The following ATP13A2 variants were observed in gnomAD, a reference collection of about 807,000 sequenced individuals.
ATP13A2 encodes polyamine-transporting ATPase 13A2.
In ATP13A2, 83 loss-of-function variants were observed where a neutral mutation model predicts 138.3. The observed-to-expected ratio is 0.60, with a 90% CI of 0.50 to 0.72. The LOEUF (loss-of-function observed/expected upper bound fraction) is 0.72. Among genes scored for constraint, ATP13A2 ranks in the 30% least tolerant of loss-of-function variants. The probability of loss-of-function intolerance (pLI) is 0.00; values close to 1 mark genes in which losing one functional copy is unlikely to be tolerated. For synonymous variants in ATP13A2, 663 were observed against 699.0 expected, an observed-to-expected ratio of 0.95 and a Z score of 0.81; for missense variants, 1,402 against 1,606.4, an observed-to-expected ratio of 0.87 and a Z score of 2.17.
At chr1:16,993,159 T>G (rs1029006330) in intron 16 of ATP13A2, among the ~76,000 whole-genome samples, 8 of 152,188 alleles carry the variant, frequency 5.3e-5, no homozygotes, top group Non-Finnish European at 1.0e-4. Flanking sequence ...TCAGGTGATC[T>G]GCCCACCTCA....
Position 16,997,026 on chromosome 1 carries a change from G to T in ATP13A2, c.1189C>A (p.Arg397Ser). ...CCAGCCTCCCGGCTCATACCTGTGC[G>T]GGTCACCACTGCCAGGACGTGCGGT... ...VGPHVLAVVT[R>S]TGFCTAKGGL... The change falls in exon 12 of 29, where the codon CGC becomes AGC. Residue 397 changes from arginine (R) to serine (S), a missense_variant. By Grantham distance (110) the Arg-to-Ser change is moderately radical. Transcript: ENST00000326735. The T allele has an allele frequency of 6.2e-7, 1 of 1,612,000 alleles. No homozygotes were observed. Among genetic ancestry groups the T allele is most frequent in the Non-Finnish European group, 8.5e-7 (1 of 1,179,914 alleles).
intron 20 of ATP13A2, among the ~76,000 whole-genome samples, chr1:16,991,344 C>A (rs898344570): frequency 2.6e-5 from 4 of 152,298 alleles, no homozygotes; most frequent in Admixed American, 2.6e-4. Context: ...TTTGGCCTCC[C>A]AAAGTGCTGG....
chr1:16,993,198 T>A (rs1156627217), intron 16 of ATP13A2, among the ~76,000 whole-genome samples: 1 of 152,058 alleles, frequency 6.6e-6, no homozygotes, highest in Non-Finnish European at 1.5e-5. Flanking sequence ...ATTACAGGCA[T>A]GAGTCACTGC....
intron 16 of ATP13A2, 130 bp downstream of exon 16, chr1:16,993,499 C>T (rs536456866): frequency 2.6e-4 from 246 of 960,318 alleles, no homozygotes; most frequent in Non-Finnish European, 3.2e-4. Flanking sequence ...TGAGCCACTG[C>T]GCCTGGCCTA....
chr1:16,999,376 A>G, intron 11 of ATP13A2, among the ~76,000 whole-genome samples: 1 of 95,474 alleles, frequency 1.0e-5, no homozygotes, highest in African/African-American at 4.1e-5. Flanking sequence ...GTGAAACTCC[A>G]TCTCAAAAAA....
chr1:17,001,752 G>C (rs2077365896), intron 8 of ATP13A2, among the ~76,000 whole-genome samples: 1 of 152,178 alleles, frequency 6.6e-6, no homozygotes, highest in Non-Finnish European at 1.5e-5. Context: ...GTGTCTCTGG[G>C]GACCCCATAG....
rs1231659616 is a variant in ATP13A2, at chr1:16,990,203, G to A, written c.2336C>T (p.Thr779Ile). The A allele has an allele frequency of 6.2e-7, 1 of 1,614,014 alleles. No individual in the cohort carries two copies. The highest frequency in any genetic ancestry group is 8.5e-7 in the Non-Finnish European group (1 of 1,180,040). Residue 779 changes from threonine (T) to isoleucine (I), a missense_variant, in exon 21 of 29, where the codon ACC becomes ATC. Physicochemically the swap from Thr to Ile is moderately conservative, Grantham distance 89. Transcript: ENST00000326735. Reference protein sequence around the residue: ...PQEHLIIVHATHPERGQPASL... With the variant: ...PQEHLIIVHAIHPERGQPASL... ...GGCAGGCTGACCCCGCTCAGGGTGG[G>A]TGGCGTGGACGATGATCAGATGCTC...
Position 16,996,476 on chromosome 1 carries a change from C to A in ATP13A2, c.1216G>T (p.Gly406Cys). 1 of 1,613,980 alleles carries A rather than the reference C, an allele frequency of 6.2e-7. No homozygotes were observed. Among genetic ancestry groups the A allele is most frequent in the Middle Eastern group, 1.7e-4 (1 of 6,060 alleles). The change falls in exon 13 of 29, where the codon GGC (glycine) becomes TGC (cysteine). Residue 406 changes from glycine to cysteine, a missense_variant. Gly to Cys is a radical substitution (Grantham distance 159, BLOSUM62 -3). Coordinates refer to ENST00000326735, the MANE Select transcript of ATP13A2 (RefSeq NM_022089.4). ...GGGTGCAAGATGGAGCTCACCAGGC[C>A]CCCTTTTGCCGTGCAGAACCCTGGG... ...TRTGFCTAKG[G>C]LVSSILHPRP... is the part of the protein sequence containing the mutation.
intron 20 of ATP13A2, among the ~76,000 whole-genome samples, chr1:16,991,324 A>G (rs542591892): frequency 6.6e-6 from 1 of 152,278 alleles, no homozygotes; most frequent in South Asian, 2.1e-4. Flanking sequence ...GGTTCAAGAC[A>G]TCCTTCTCCT....
intron 1 of ATP13A2, among the ~76,000 whole-genome samples, chr1:17,007,550 C>CTTTTT (rs67484789): frequency 1.2e-5 from 1 of 80,790 alleles, no homozygotes; most frequent in Non-Finnish European, 2.5e-5. Flanking sequence ...AAAATTTTTC[C>CTTTTT]TTTTTTTTTT....
Position 17,002,472 on chromosome 1 carries a change from TC to T in ATP13A2, c.558-100del. 8 of 1,391,208 alleles carry T rather than the reference TC, an allele frequency of 5.8e-6. No homozygotes were observed. The South Asian group carries it at 1.0e-4, about 17-fold the overall frequency. 86.2% of individuals were successfully genotyped at this position (1,391,208 alleles called of 1,614,324 possible). On this transcript the variant is annotated intron_variant, in intron 6 of 28. Transcript: ENST00000326735. The stretch of plus-strand genomic sequence containing the variant: ...GAGACTATGGGCTCTAGGCCCCCCA[TC>T]CCCGTTCTGCCACACTGAGCTCCTG...
chr1:17,004,520 C>A lies in ATP13A2; in HGVS notation c.478-109G>T. On this transcript the variant is annotated intron_variant, in intron 5 of 28. Transcript: ENST00000326735. The surrounding 1 kb of genome is among the most constrained non-coding windows in gnomAD (Gnocchi z 4.1). The stretch of plus-strand genomic sequence containing the variant: ...GGGTAGGGGGCAGGGACTGGTGTCA[C>A]CAGACAGAGAGGTGGGGAGAGGCCT... 1 of 1,533,274 alleles carries A rather than the reference C, an allele frequency of 6.5e-7. No individual in the cohort carries two copies. Among genetic ancestry groups the A allele is most frequent in the Non-Finnish European group, 8.9e-7 (1 of 1,119,008 alleles). 95.0% of individuals were successfully genotyped at this position (1,533,274 alleles called of 1,614,324 possible).
intron 1 of ATP13A2, among the ~76,000 whole-genome samples, chr1:17,010,321 G>A (rs536207720): frequency 1.3e-5 from 2 of 152,068 alleles, no homozygotes; most frequent in South Asian, 2.1e-4. Context: ...CAAGTAATCC[G>A]CCTGCCTCAG....
Position 17,002,064 on chromosome 1 carries a change from G to T in ATP13A2, c.675C>A (p.Val225=). Residue 225 remains valine, a synonymous_variant, in exon 8 of 29, where the codon GTC becomes GTA. Coordinates refer to ENST00000326735, the MANE Select transcript of ATP13A2 (RefSeq NM_022089.4). ...IYGPNVISIP[V]KSYPQLLVDE... ...CCACCAGCAGCTGGGGGTAGGACTT[G>T]ACCGGTATGCTGATCACGTTGGGGC... 6.2e-7 allele frequency: 1 copy of T among 1,613,572 alleles called. No individual in the cohort carries two copies. Among genetic ancestry groups the T allele is most frequent in the South Asian group, 1.1e-5 (1 of 90,924 alleles).
At chr1:16,998,808 G>C (rs1198237888) in intron 11 of ATP13A2, among the ~76,000 whole-genome samples, 1 of 152,122 alleles carries the variant, frequency 6.6e-6, no homozygotes, top group East Asian at 1.9e-4. Flanking sequence ...CTTGTGGAAG[G>C]ATGCCAGGAG....
At position 17,011,618 on chromosome 1, in the gene ATP13A2, T is replaced by A; in HGVS notation, c.10+111A>T. ...CCCAACCAGGTCCCGCTTCCTGGGC[T>A]CGCGACCCCGCGGTGGGGGGCGTCG... On this transcript the variant is annotated intron_variant, in intron 1 of 28. Transcript: ENST00000326735. The surrounding 1 kb of genome is among the most constrained non-coding windows in gnomAD (Gnocchi z 7.3). 2.2e-6 allele frequency: 3 copies of A among 1,340,726 alleles called. No individual in the cohort carries two copies. In the South Asian group the frequency reaches 4.7e-5, roughly 21 times the overall value. The allele number at this position is 1,340,726 out of a possible 1,614,324, so 83.1% of individuals were successfully genotyped here. A position where few individuals can be genotyped will look rare whatever the true frequency, so the allele number is the denominator to read the frequency against.
intron 1 of ATP13A2, among the ~76,000 whole-genome samples, chr1:17,007,712 C>T (rs1317486178): frequency 1.3e-5 from 2 of 152,014 alleles, no homozygotes; most frequent in East Asian, 1.9e-4. Flanking sequence ...CCACCACGCC[C>T]GGCTAATTTT....
chr1:17,005,729 C>T lies in ATP13A2; in HGVS notation c.60G>A (p.Thr20=), dbSNP rs148564294. ...GSTPTGYGTL[T]IGTSIDPLSS... ...TGAGGGGATCTATTGATGTCCCTAT[C>T]GTCAGGGTCCCATAACCGGTGGGCG... Residue 20 remains threonine, a synonymous_variant, in exon 2 of 29, where the codon ACG becomes ACA. Transcript: ENST00000326735. The T allele has an allele frequency of 9.9e-6, 16 of 1,613,582 alleles. No individual in the cohort carries two copies. Among genetic ancestry groups the T allele is most frequent in the Middle Eastern group, 1.7e-4 (1 of 6,054 alleles).
intron 16 of ATP13A2, among the ~76,000 whole-genome samples, chr1:16,993,368 C>T (rs997452855): frequency 6.6e-6 from 1 of 152,124 alleles, no homozygotes; most frequent in Non-Finnish European, 1.5e-5. Context: ...CCACCACGCC[C>T]GGCTAATTTT....
Sources: allele counts gnomAD v4.1 joint callset (sites outside exome capture counted in the v4.1 genomes callset), GRCh38; gene constraint gnomAD v4.1.1; non-coding constraint Gnocchi (gnomAD v3.1); transcripts MANE v1.5; gene names NCBI Gene and HGNC (gene_info 2026-07-23, HGNC 2026-07-21).